Variants in PRMT8 observed in about 807,000 individuals in gnomAD.
PRMT8 encodes the protein protein arginine N-methyltransferase 8.
In PRMT8, 7 loss-of-function variants were observed where a neutral mutation model predicts 47.1. The ratio of observed to expected loss-of-function variants is 0.15; its 90% CI spans 0.08 to 0.28. The LOEUF is 0.28. Ranked by LOEUF, PRMT8 falls within the 10% of genes least tolerant of loss-of-function variation. The probability of loss-of-function intolerance (pLI) is 1.00; values close to 1 mark genes in which losing one functional copy is unlikely to be tolerated. For synonymous variants in PRMT8, 188 were observed against 186.5 expected (o/e 1.01, Z -0.07); for missense variants, 237 against 505.4 (o/e 0.47, Z 5.09).
At chr12:3,588,177 T>G (rs1336596368) in intron 8 of PRMT8, among the ~76,000 whole-genome samples, 1 of 152,216 alleles carries the variant, frequency 6.6e-6, no homozygotes, top group Non-Finnish European at 1.5e-5. Flanking sequence ...TTCTGCGCCT[T>G]GGGCTCAGGC....
intron 1 of PRMT8, among the ~76,000 whole-genome samples, chr12:3,452,465 A>G (rs1484228406): frequency 1.3e-5 from 2 of 152,128 alleles, no homozygotes; most frequent in Non-Finnish European, 2.9e-5. Flanking sequence ...CCCACCAGAT[A>G]GATCCGAGAA....
Position 3,564,550 on chromosome 12 carries a change from G to A in PRMT8, c.482-4156G>A, listed in dbSNP as rs533155078. Among the ~76,000 whole-genome samples the A allele has an allele frequency of 1.3e-5, 2 of 152,304 alleles. No individual in the cohort carries two copies. Among genetic ancestry groups the A allele is most frequent in the African/African-American group, 2.4e-5 (1 of 41,554 alleles). ...ACAGGAGAAGTTTTCCCAATTTAGA[G>A]TCTATTGCTCCCTGCTGTGCATTTA... On this transcript the variant is annotated intron_variant, in intron 4 of 9. Coordinates refer to ENST00000382622, the MANE Select transcript of PRMT8 (RefSeq NM_019854.5). The surrounding 1 kb of genome is among the most constrained non-coding windows in gnomAD (Gnocchi z 4.0).
At chr12:3,592,821 C>T (rs1867337969) in intron 9 of PRMT8, among the ~76,000 whole-genome samples, 1 of 152,188 alleles carries the variant, frequency 6.6e-6, no homozygotes, top group South Asian at 2.1e-4. Flanking sequence ...TCACAGAACA[C>T]TTAACCACCC....
At chr12:3,579,505 C>T (rs1867012126) in intron 7 of PRMT8, among the ~76,000 whole-genome samples, 1 of 152,076 alleles carries the variant, frequency 6.6e-6, no homozygotes. Context: ...TCCCGGGGCT[C>T]TGGTTCTGTC....
intron 1 of PRMT8, among the ~76,000 whole-genome samples, chr12:3,507,572 A>G (rs1262763783): frequency 1.3e-5 from 2 of 152,154 alleles, no homozygotes; most frequent in African/African-American, 2.4e-5. Flanking sequence ...ACAAATGATT[A>G]TAGCCCATCA....
intron 1 of PRMT8, among the ~76,000 whole-genome samples, chr12:3,452,600 A>T (rs1000788382): frequency 1.5e-4 from 23 of 152,272 alleles, no homozygotes; most frequent in African/African-American, 5.5e-4. Context: ...TGTGGTAACT[A>T]ACAGCCTCAC....
intron 1 of PRMT8, among the ~76,000 whole-genome samples, chr12:3,534,394 G>T (rs1484130944): frequency 2.0e-5 from 3 of 152,172 alleles, no homozygotes; most frequent in Non-Finnish European, 2.9e-5. Context: ...CCCTCTGCAG[G>T]CTGCCTTCCC....
At chr12:3,430,764 C>T (rs189985562) in intron 1 of PRMT8, among the ~76,000 whole-genome samples, 2 of 152,330 alleles carry the variant, frequency 1.3e-5, no homozygotes, top group South Asian at 2.1e-4. Context: ...TTCATTTACT[C>T]GTCCATTCAT....
chr12:3,448,547 T>C (rs1864882059), intron 1 of PRMT8, among the ~76,000 whole-genome samples: 1 of 152,166 alleles, frequency 6.6e-6, no homozygotes, highest in East Asian at 1.9e-4. Flanking sequence ...ACTTCTTTGT[T>C]GTAGGAAGTT....
intron 6 of PRMT8, among the ~76,000 whole-genome samples, chr12:3,574,807 T>C (rs1311122497): frequency 2.6e-5 from 4 of 152,192 alleles, no homozygotes; most frequent in African/African-American, 9.7e-5. Flanking sequence ...CTTTAACCAT[T>C]ACATGCATTG....
intron 4 of PRMT8, among the ~76,000 whole-genome samples, chr12:3,563,619 G>T (rs1866672232): frequency 6.6e-6 from 1 of 152,000 alleles, no homozygotes; most frequent in Admixed American, 6.5e-5. Flanking sequence ...CCAAGCAGTT[G>T]CTCCATGTCC....
intron 1 of PRMT8, among the ~76,000 whole-genome samples, chr12:3,532,860 C>T (rs1446503757): frequency 6.6e-6 from 1 of 151,952 alleles, no homozygotes; most frequent in South Asian, 2.1e-4. Context: ...CTTACCAGTC[C>T]CCAGGTGATG....
chr12:3,398,364 C>A (rs1864283498), intron 1 of PRMT8, among the ~76,000 whole-genome samples: 1 of 152,116 alleles, frequency 6.6e-6, no homozygotes. Context: ...TGGAGAACGC[C>A]AAAAATGGTG....
At position 3,399,523 on chromosome 12, in the gene PRMT8, AAGGG is replaced by A. The variant is rs367547804; in HGVS notation, c.48+18084_48+18087del. Among the ~76,000 whole-genome samples, 396 of 152,288 alleles carry A rather than the reference AAGGG, an allele frequency of 2.6e-3. 3 individuals are homozygous for A. The highest frequency in any genetic ancestry group is 8.7e-3 in the African/African-American group (360 of 41,538). On this transcript the variant is annotated intron_variant, in intron 1 of 9. Coordinates refer to the PRMT8 transcript ENST00000452611. ...ATAATTTACTAAAATGATGTGGTGG[AAGGG>A]AGCCGGGCCCCAGAGACATCATGAG...
At chr12:3,424,893 G>C (rs1443561620) in intron 1 of PRMT8, among the ~76,000 whole-genome samples, 1 of 152,170 alleles carries the variant, frequency 6.6e-6, no homozygotes, top group Non-Finnish European at 1.5e-5. Flanking sequence ...GTCCCGCGAT[G>C]AGTTTCCTCA....
At position 3,593,952 on chromosome 12, in the gene PRMT8, A is replaced by T. The variant is rs772442716; in HGVS notation, c.*770A>T. ...AGTACCACGGACTCCGTGGGCGCTCAATAAACACACATGAGAACAAACTGG... is the reference window on the plus strand; with the variant it reads ...AGTACCACGGACTCCGTGGGCGCTCTATAAACACACATGAGAACAAACTGG... On this transcript the variant is annotated 3_prime_UTR_variant, in exon 10 of 10. Transcript: ENST00000382622. The surrounding 1 kb of genome is among the most constrained non-coding windows in gnomAD (Gnocchi z 4.8). The T allele has an allele frequency of 6.5e-6, 1 of 152,948 alleles. No individual in the cohort carries two copies. The highest frequency in any genetic ancestry group is 1.5e-5 in the Non-Finnish European group (1 of 68,150). The allele number at this position is 152,948 out of a possible 1,614,324, so 9.5% of individuals were successfully genotyped here.
At chr12:3,386,857 C>T (rs977019003) in intron 1 of PRMT8, among the ~76,000 whole-genome samples, 3 of 152,012 alleles carry the variant, frequency 2.0e-5, no homozygotes, top group African/African-American at 7.2e-5. Context: ...TTACAGGCGC[C>T]TGCCACCACG....
chr12:3,496,590 C>G (rs1017227575), intron 1 of PRMT8, among the ~76,000 whole-genome samples: 2 of 151,932 alleles, frequency 1.3e-5, no homozygotes, highest in African/African-American at 2.4e-5. Flanking sequence ...AGTTCTGGAC[C>G]TAGTAGATGT....
chr12:3,391,216 C>A (rs781671352), intron 1 of PRMT8, among the ~76,000 whole-genome samples: 3 of 152,210 alleles, frequency 2.0e-5, no homozygotes, highest in Non-Finnish European at 4.4e-5. Context: ...GATAAAAATG[C>A]CTCTGACACA....
Sources: gnomAD v4.1 joint callset for allele counts (sites outside exome capture counted in the v4.1 genomes callset) on GRCh38, gnomAD v4.1.1 for gene constraint, Gnocchi (gnomAD v3.1) non-coding constraint, MANE v1.5 for transcripts, NCBI Gene and HGNC (gene_info 2026-07-23, HGNC 2026-07-21) for gene names.